LIPH: variants seen among roughly 807,000 people sequenced by gnomAD.
The protein encoded by LIPH is lipase member H.
LIPH carries 32 observed loss-of-function variants against 47.6 expected under a neutral mutation model. The observed-to-expected ratio is 0.67, with a 90% CI of 0.51 to 0.90. LIPH has a LOEUF of 0.90. LIPH is among the 40% of genes least tolerant of loss of function. LIPH has a pLI of 0.00. For synonymous variants in LIPH, 190 were observed against 195.6 expected (o/e 0.97, Z 0.24); for missense variants, 497 against 541.4 (o/e 0.92, Z 0.81).
intron 9 of LIPH, 85 bp downstream of exon 9, chr3:185,511,439 T>C: frequency 8.0e-7 from 1 of 1,244,324 alleles, no homozygotes; most frequent in Non-Finnish European, 1.2e-6. Flanking sequence ...TAGAGTCTTA[T>C]TAACACATCA....
At position 185,552,451 on chromosome 3, in the gene LIPH, G is replaced by A. The variant is rs771472411; in HGVS notation, c.21C>T (p.Phe7=). The A allele has an allele frequency of 1.9e-6, 3 of 1,608,882 alleles. No individual in the cohort carries two copies. The highest frequency in any genetic ancestry group is 1.7e-4 in the Middle Eastern group (1 of 6,050). MLRFYL[F]ISLLCLSRSD... ...ATCTTGACAAGCACAACAAACTGAT[G>A]AATAAGTAGAATCTCAACATATGGA... Residue 7 remains phenylalanine (F), a synonymous_variant, in exon 1 of 10, where the codon TTC becomes TTT. Transcript: ENST00000296252.
At chr3:185,522,654 G>GAA (rs761771609) in intron 5 of LIPH, among the ~76,000 whole-genome samples, 35 of 30,696 alleles carry the variant, frequency 1.1e-3, no homozygotes, top group African/African-American at 3.5e-3. Context: ...GAAAGAAAAA[G>GAA]AAAGAAAGAA....
At chr3:185,546,943 GA>G (rs1227242697) in intron 1 of LIPH, 5 of 450,322 alleles carry the variant, frequency 1.1e-5, no homozygotes, top group Non-Finnish European at 1.8e-5. Context: ...TCAAAGAGAG[GA>G]GACTCCTCAT....
rs1197588998 is a variant in LIPH at position 185,529,952 on chromosome 3, AAGAAAGAAAGAAGGAAAGAAAGAAAG to A, written c.527-2393_527-2368del. Among the ~76,000 whole-genome samples the A allele has an allele frequency of 6.8e-3, 382 of 56,390 alleles. 1 individual carries two copies. Among genetic ancestry groups the A allele is most frequent in the Middle Eastern group, 0.016 (2 of 128 alleles). The allele number at this position is 56,390 out of a possible 152,430, so 37.0% of individuals were successfully genotyped here. A position where few individuals can be genotyped will look rare whatever the true frequency, so the allele number is the denominator to read the frequency against. ...AAAGAAAGAAAGAAAGAAAGAAAGA[AAGAAAGAAAGAAGGAAAGAAAGAAAG>A]AGAGAGAGAGAGAAAATAAGCAGTG... is the stretch of plus-strand genomic sequence containing the variant. On this transcript the variant is annotated intron_variant, in intron 3 of 9. Coordinates refer to ENST00000296252, the MANE Select transcript of LIPH (RefSeq NM_139248.3).
chr3:185,531,829 T>C (rs1720340562), intron 3 of LIPH, among the ~76,000 whole-genome samples: 1 of 152,146 alleles, frequency 6.6e-6, no homozygotes, highest in Admixed American at 6.6e-5. Flanking sequence ...TTTTGTTGTT[T>C]TGTTTTGGTT....
At chr3:185,514,344 T>C in intron 8 of LIPH, 66 bp downstream of exon 8, 1 of 795,156 alleles carries the variant, frequency 1.3e-6, no homozygotes, top group Admixed American at 1.7e-5. Flanking sequence ...GTAGGTGGAT[T>C]TGTGATTTAA....
rs570507340 is a variant in LIPH at position 185,537,051 on chromosome 3, A to G, written c.50-1919T>C. On this transcript the variant is annotated intron_variant, in intron 1 of 9. Transcript: ENST00000296252. ...AGGCGCCCGCCACCATGCCCAGCTAATTTTTGTATTTTTAGTAGAGACAGG... is the reference window on the plus strand; with the variant it reads ...AGGCGCCCGCCACCATGCCCAGCTAGTTTTTGTATTTTTAGTAGAGACAGG... 1.4e-4 allele frequency among the ~76,000 whole-genome samples: 22 copies of G among 152,188 alleles called. No homozygotes were observed. The South Asian group carries it at 4.6e-3, about 32-fold the overall frequency.
chr3:185,552,301 C>A (rs1197569007), intron 1 of LIPH, 122 bp downstream of exon 1: 3 of 612,016 alleles, frequency 4.9e-6, no homozygotes, highest in Non-Finnish European at 5.9e-6. Context: ...ATATCTTTTT[C>A]CTTAAAAACG....
rs1233314289 is a variant in LIPH at position 185,514,564 on chromosome 3, A to C, written c.983-43T>G. The C allele has an allele frequency of 7.4e-6, 6 of 814,416 alleles. No homozygotes were observed. In the East Asian group the frequency reaches 1.5e-4, roughly 20 times the overall value. The allele number at this position is 814,416 out of a possible 1,614,324, so 50.4% of individuals were successfully genotyped here. A position where few individuals can be genotyped will look rare whatever the true frequency, so the allele number is the denominator to read the frequency against. Reference sequence around the variant, plus strand: ...AACACGGTAAGAGAGAGATACTACCAACTGATCCCCTGAAGGGCTGGTTCC... The same window carrying C: ...AACACGGTAAGAGAGAGATACTACCCACTGATCCCCTGAAGGGCTGGTTCC... On this transcript the variant is annotated intron_variant, in intron 7 of 9. Coordinates refer to ENST00000296252, the MANE Select transcript of LIPH (RefSeq NM_139248.3).
Position 185,511,508 on chromosome 3 carries a change from C to A in LIPH, c.1268+16G>T, listed in dbSNP as rs769914951. 9 of 1,613,590 alleles carry A rather than the reference C, an allele frequency of 5.6e-6. No individual in the cohort carries two copies. The East Asian group carries it at 1.1e-4, about 20-fold the overall frequency. ...TTTGGAAAACAGCGTTTTGTCAAAC[C>A]GTACCCTCAGCTCACCTCTCCGGAT... On this transcript the variant is annotated intron_variant, in intron 9 of 9. Coordinates refer to ENST00000296252, the MANE Select transcript of LIPH (RefSeq NM_139248.3).
At position 185,533,473 on chromosome 3, in the gene LIPH, C is replaced by G. The variant is rs188360968; in HGVS notation, c.526+98G>C. The G allele has an allele frequency of 2.5e-4, 200 of 812,640 alleles. No individual in the cohort carries two copies. In the African/African-American group the frequency reaches 2.8e-3, roughly 11 times the overall value. The allele number at this position is 812,640 out of a possible 1,614,324, so 50.3% of individuals were successfully genotyped here. On this transcript the variant is annotated intron_variant, in intron 3 of 9. Coordinates refer to ENST00000296252, the MANE Select transcript of LIPH (RefSeq NM_139248.3). ...ACTCAGAGAGGTTAGGTAATTGGAG[C>G]TGGCTTTGAACCCAAGGAGTTGGAT...
At chr3:185,518,069 G>A (rs1457899084) in intron 6 of LIPH, among the ~76,000 whole-genome samples, 1 of 152,126 alleles carries the variant, frequency 6.6e-6, no homozygotes, top group Non-Finnish European at 1.5e-5. Context: ...GCTCATTGTG[G>A]ACCCTCTCCC....
chr3:185,551,883 AT>A (rs1721059620), intron 1 of LIPH, among the ~76,000 whole-genome samples: 1 of 152,004 alleles, frequency 6.6e-6, no homozygotes, highest in Admixed American at 6.6e-5. Flanking sequence ...TGATTTCTTC[AT>A]TATGATTAAT....
chr3:185,534,080 G>A (rs1467563579), intron 2 of LIPH, among the ~76,000 whole-genome samples: 6 of 152,100 alleles, frequency 3.9e-5, no homozygotes, highest in Non-Finnish European at 7.3e-5. Flanking sequence ...AAAATTAGCC[G>A]GGCGCAGTGG....
intron 5 of LIPH, among the ~76,000 whole-genome samples, chr3:185,523,840 A>C (rs1719981392): frequency 6.6e-6 from 1 of 151,994 alleles, no homozygotes; most frequent in Non-Finnish European, 1.5e-5. Flanking sequence ...CTCTTGCCTC[A>C]GCCTCCCGAG....
chr3:185,535,257 T>C (rs1720470414), intron 1 of LIPH, 125 bp from the exon 2 acceptor site: 1 of 1,150,698 alleles, frequency 8.7e-7, no homozygotes, highest in Non-Finnish European at 1.3e-6. Context: ...AAGGGCTGGA[T>C]CCAGTTGAAT....
In LIPH at chr3:185,513,659, A is replaced by G. The variant is rs749425354; in HGVS notation, c.1094+751T>C. On this transcript the variant is annotated intron_variant, in intron 8 of 9. Coordinates refer to ENST00000296252, the MANE Select transcript of LIPH (RefSeq NM_139248.3). Reference sequence around the variant, plus strand: ...ATAGCAGCACTAGTCACAATAGCCAAGAGGAGGAGGCAACCCAAGTGTTCA... The same window carrying G: ...ATAGCAGCACTAGTCACAATAGCCAGGAGGAGGAGGCAACCCAAGTGTTCA... Among the ~76,000 whole-genome samples the G allele has an allele frequency of 5.6e-4, 85 of 152,222 alleles. 1 individual carries two copies. The highest frequency in any genetic ancestry group is 8.8e-5 in the Non-Finnish European group (6 of 68,042).
intron 4 of LIPH, among the ~76,000 whole-genome samples, chr3:185,526,317 T>C (rs962832881): frequency 3.0e-4 from 45 of 152,026 alleles, no homozygotes; most frequent in Non-Finnish European, 4.1e-4. Flanking sequence ...CCTCAGGAGT[T>C]TGACACCAGC....
intron 1 of LIPH, among the ~76,000 whole-genome samples, chr3:185,548,380 GGT>G (rs1491221371): frequency 0.041 from 6,247 of 151,216 alleles, 249 homozygotes; most frequent in East Asian, 0.23. Flanking sequence ...ACTCCAGCCT[GGT>G]GACAGAGCGA....
Sources: gnomAD v4.1 joint callset for allele counts (sites outside exome capture counted in the v4.1 genomes callset) on GRCh38, gnomAD v4.1.1 for gene constraint, MANE v1.5 for transcripts, NCBI Gene and HGNC (gene_info 2026-07-23, HGNC 2026-07-21) for gene names.